GPRC5D: variants seen among roughly 807,000 people sequenced by gnomAD.
GPRC5D encodes G protein-coupled receptor class C group 5 member D.
Under a neutral mutation model 29.3 loss-of-function variants are expected in GPRC5D, and 20 were observed. The observed-to-expected ratio is 0.68, with a 90% CI of 0.48 to 0.99. The LOEUF (loss-of-function observed/expected upper bound fraction) is 0.99, where lower values mean the gene tolerates loss of function less well. GPRC5D is among the 50% of genes least tolerant of loss of function. The probability of loss-of-function intolerance (pLI) is 0.00; values close to 1 mark genes in which losing one functional copy is unlikely to be tolerated. For synonymous variants in GPRC5D, 178 were observed against 171.3 expected, an observed-to-expected ratio of 1.04 and a Z score of -0.30; for missense variants, 384 against 423.6, an observed-to-expected ratio of 0.91 and a Z score of 0.82.
chr12:12,944,903 T>TTCTTTCTC (rs1565477611), intron 1 of GPRC5D, among the ~76,000 whole-genome samples: 10 of 79,204 alleles, frequency 1.3e-4, no homozygotes, highest in Non-Finnish European at 2.5e-4. Context: ...CTTTCTTTCT[T>TTCTTTCTC]TCTCTCCCTT....
intron 1 of GPRC5D, among the ~76,000 whole-genome samples, chr12:12,945,596 A>C (rs1430259722): frequency 1.3e-5 from 2 of 152,240 alleles, no homozygotes; most frequent in East Asian, 3.8e-4. Context: ...AACAAGTATT[A>C]TATCATCAAC....
At chr12:12,947,018 T>C (rs573189919) in intron 1 of GPRC5D, 1 of 152,348 alleles carries the variant, frequency 6.6e-6, no homozygotes, top group African/African-American at 2.4e-5. Context: ...TCTCACTGTC[T>C]TCACCTTTCC....
In GPRC5D at chr12:12,944,850, C is replaced by CTTCT. The variant is rs57581481; in HGVS notation, c.896-2526_896-2523dup. Among the ~76,000 whole-genome samples, 253 of 34,460 alleles carry CTTCT rather than the reference C, an allele frequency of 7.3e-3. 16 individuals are homozygous for CTTCT. Among genetic ancestry groups the CTTCT allele is most frequent in the African/African-American group, 0.017 (167 of 9,932 alleles). 22.6% of individuals were successfully genotyped at this position (34,460 alleles called of 152,430 possible). A position where few individuals can be genotyped will look rare whatever the true frequency, so the allele number is the denominator to read the frequency against. On this transcript the variant is annotated intron_variant, in intron 1 of 2. Transcript: ENST00000228887. ...CCTTCCTTCCTTCCTTCCTTCCTTC[C>CTTCT]TTCTTTCTTTCTTTCTTTCTTTCTT...
At chr12:12,942,401 G>A in intron 1 of GPRC5D, 73 bp from the exon 3 acceptor site, 1 of 925,926 alleles carries the variant, frequency 1.1e-6, no homozygotes, top group Non-Finnish European at 1.8e-6. Flanking sequence ...AGGACTACAG[G>A]AAAACTCCAT....
Position 12,949,484 on chromosome 12 carries a change from A to G in GPRC5D, c.895+6T>C, listed in dbSNP as rs1863430688. The stretch of plus-strand genomic sequence containing the variant: ...TCCCTGCTCCCTGAATCCCCCAGGA[A>G]TGTACCTCTGGAGAGCTCCTGGTTC... On this transcript the variant is annotated splice_donor_region_variant and intron_variant, in intron 1 of 2. Transcript: ENST00000228887. The G allele has an allele frequency of 6.2e-7, 1 of 1,607,308 alleles. No individual in the cohort carries two copies. The highest frequency in any genetic ancestry group is 1.3e-5 in the African/African-American group (1 of 74,876).
At chr12:12,949,565 G>A in exon 1 of GPRC5D, 1 of 1,613,130 alleles carries the variant, frequency 6.2e-7, no homozygotes, top group Non-Finnish European at 8.5e-7. Context: ...CCTTGTAAAG[G>A]GCACTCCTGT....
At chr12:12,946,350 TTTCTTTCTTTCTTTCTTTTC>T (rs1863334693) in intron 1 of GPRC5D, among the ~76,000 whole-genome samples, 1 of 149,886 alleles carries the variant, frequency 6.7e-6, no homozygotes, top group African/African-American at 2.5e-5. Context: ...TCTTTCTTTC[TTTCTTTCTTTCTTTCTTTTC>T]TTTCTTTCTT....
At chr12:12,944,850 C>CT (rs1491104199) in intron 1 of GPRC5D, among the ~76,000 whole-genome samples, 31 of 34,464 alleles carry the variant, frequency 9.0e-4, no homozygotes, top group African/African-American at 2.3e-3. Context: ...TCCTTCCTTC[C>CT]TTCTTTCTTT....
upstream of GPRC5D, among the ~76,000 whole-genome samples, chr12:12,950,841 A>T (rs965495280): frequency 6.6e-6 from 1 of 151,120 alleles, no homozygotes; most frequent in Non-Finnish European, 1.5e-5. Context: ...ACAGTGGCTC[A>T]TGCTTGTAAT....
intron 1 of GPRC5D, among the ~76,000 whole-genome samples, chr12:12,947,722 G>A (rs1409570485): frequency 1.3e-5 from 2 of 152,014 alleles, no homozygotes; most frequent in African/African-American, 4.8e-5. Flanking sequence ...GTGCCACCAT[G>A]CCCAGCTAAT....
upstream of GPRC5D, among the ~76,000 whole-genome samples, chr12:12,951,614 CT>C (rs1863497805): frequency 6.6e-6 from 1 of 152,154 alleles, no homozygotes; most frequent in Admixed American, 6.5e-5. Context: ...AATACAAAAT[CT>C]TTTTCATAAA....
chr12:12,945,858 T>C (rs1213306305), intron 1 of GPRC5D, among the ~76,000 whole-genome samples: 1 of 152,240 alleles, frequency 6.6e-6, no homozygotes, highest in African/African-American at 2.4e-5. Context: ...AGATTTTGAT[T>C]GAGGCCAACT....
chr12:12,951,229 C>T (rs1863488346), upstream of GPRC5D, among the ~76,000 whole-genome samples: 1 of 152,200 alleles, frequency 6.6e-6, no homozygotes, highest in Admixed American at 6.5e-5. Context: ...ATGCTGGGCA[C>T]TGTAATTTCT....
At chr12:12,943,745 C>T (rs1434658171) in intron 1 of GPRC5D, among the ~76,000 whole-genome samples, 1 of 152,208 alleles carries the variant, frequency 6.6e-6, no homozygotes, top group Non-Finnish European at 1.5e-5. Context: ...AACAAGGCTC[C>T]TTCACACTCA....
upstream of GPRC5D, among the ~76,000 whole-genome samples, chr12:12,951,467 A>G (rs956921893): frequency 6.6e-6 from 1 of 152,208 alleles, no homozygotes; most frequent in Non-Finnish European, 1.5e-5. Flanking sequence ...TTTATATAGG[A>G]TGTCAGTAAA....
rs548975637 is a variant in GPRC5D at position 12,945,084 on chromosome 12, A to G, written c.896-2756T>C. ...CAATGCATGATCTCAACTCACTGCA[A>G]TCACCACCTCCCGGGTTCAAGTGAT... On this transcript the variant is annotated intron_variant, in intron 1 of 2. Coordinates refer to ENST00000228887, the Ensembl canonical transcript of GPRC5D. 1.1e-4 allele frequency among the ~76,000 whole-genome samples: 16 copies of G among 150,474 alleles called. No individual in the cohort carries two copies. The South Asian group carries it at 2.7e-3, about 26-fold the overall frequency.
chr12:12,945,041 G>T (rs563627175), intron 1 of GPRC5D, among the ~76,000 whole-genome samples: 1 of 135,556 alleles, frequency 7.4e-6, no homozygotes, highest in African/African-American at 2.8e-5. Context: ...TCTCGTTCTC[G>T]TTGCCCAGGC....
chr12:12,946,075 A>G (rs1377030988), intron 1 of GPRC5D, among the ~76,000 whole-genome samples: 1 of 152,212 alleles, frequency 6.6e-6, no homozygotes, highest in African/African-American at 2.4e-5. Context: ...ATAGACTTCC[A>G]GGGAAATGAA....
At chr12:12,942,432 A>G in intron 1 of GPRC5D, 104 bp from the exon 3 acceptor site, 1 of 751,078 alleles carries the variant, frequency 1.3e-6, no homozygotes, top group Non-Finnish European at 2.4e-6. Context: ...CAGGCTCTTC[A>G]CTCTTTAAAA....
Sources: allele counts gnomAD v4.1 joint callset (sites outside exome capture counted in the v4.1 genomes callset), GRCh38; gene constraint gnomAD v4.1.1; transcripts MANE v1.5; gene names NCBI Gene and HGNC (gene_info 2026-07-23, HGNC 2026-07-21).